BACH2: variants seen among roughly 807,000 people sequenced by gnomAD.
The protein encoded by BACH2 is transcription regulator protein BACH2.
In BACH2, 5 loss-of-function variants were observed where a neutral mutation model predicts 61.8. That is an observed-to-expected ratio of 0.08 (90% CI 0.04 to 0.17). The LOEUF (loss-of-function observed/expected upper bound fraction) is 0.17, where lower values mean the gene tolerates loss of function less well. Among genes scored for constraint, BACH2 ranks in the 10% least tolerant of loss-of-function variants. BACH2 has a pLI of 1.00. For synonymous variants in BACH2, 446 were observed against 440.1 expected, an observed-to-expected ratio of 1.01 and a Z score of -0.17; for missense variants, 824 against 1,091.1, an observed-to-expected ratio of 0.76 and a Z score of 3.45.
intron 5 of BACH2, among the ~76,000 whole-genome samples, chr6:90,085,035 C>T (rs566835641): frequency 1.3e-5 from 2 of 152,124 alleles, no homozygotes; most frequent in South Asian, 4.1e-4. Context: ...GAATAAAACA[C>T]AAAAGCCAAA....
chr6:90,266,263 C>T lies in BACH2; in HGVS notation c.-353+5586G>A, dbSNP rs138505494. On this transcript the variant is annotated intron_variant, in intron 2 of 8. Transcript: ENST00000257749. Reference sequence around the variant, plus strand: ...TATGGAGGGTCTATCTCTGGTTTAACGAAGATACTGAAGCCAGTGAAAACA... The same window carrying T: ...TATGGAGGGTCTATCTCTGGTTTAATGAAGATACTGAAGCCAGTGAAAACA... 1.3e-3 allele frequency among the ~76,000 whole-genome samples: 205 copies of T among 152,230 alleles called. 2 individuals are homozygous for T. The highest frequency in any genetic ancestry group is 4.8e-3 in the African/African-American group (201 of 41,520).
intron 6 of BACH2, among the ~76,000 whole-genome samples, chr6:89,962,651 T>G (rs1184183121): frequency 6.6e-6 from 1 of 152,218 alleles, no homozygotes; most frequent in Non-Finnish European, 1.5e-5. Context: ...AACTTTGTTT[T>G]GGACACTTCT....
rs1373504833 is a variant in BACH2, at chr6:90,239,827, ACACACACACAC to A, written c.-275+12675_-275+12685del. Among the ~76,000 whole-genome samples, 14 of 149,866 alleles carry A rather than the reference ACACACACACAC, an allele frequency of 9.3e-5. No homozygotes were observed. The East Asian group carries it at 2.7e-3, about 29-fold the overall frequency. ...CACACACACACACACACACACACAC[ACACACACACAC>A]ACACACGCTGACTATTCACATACAG... On this transcript the variant is annotated intron_variant, in intron 3 of 8. Coordinates refer to ENST00000257749, the MANE Select transcript of BACH2 (RefSeq NM_021813.4).
At chr6:90,237,681 T>C (rs745429979) in intron 3 of BACH2, among the ~76,000 whole-genome samples, 1 of 152,246 alleles carries the variant, frequency 6.6e-6, no homozygotes, top group African/African-American at 2.4e-5. Context: ...GGAAACACTG[T>C]AGTCAGCTTT....
chr6:90,199,192 G>A (rs1345026901), intron 4 of BACH2, among the ~76,000 whole-genome samples: 1 of 152,212 alleles, frequency 6.6e-6, no homozygotes, highest in Non-Finnish European at 1.5e-5. Context: ...ACCAGCCAGT[G>A]CTTCACCACA....
Position 90,164,000 on chromosome 6 carries a change from A to G in BACH2, c.-162+42569T>C, listed in dbSNP as rs1276670226. Among the ~76,000 whole-genome samples the G allele has an allele frequency of 2.6e-5, 4 of 152,232 alleles. No homozygotes were observed. The East Asian group carries it at 7.7e-4, about 29-fold the overall frequency. ...ATTGACACCCTAACATCACAATTAA[A>G]AGAACTAGAGAAGCAAGAGCAATCA... On this transcript the variant is annotated intron_variant, in intron 4 of 8. Transcript: ENST00000257749.
At chr6:90,190,461 A>G (rs1325773194) in intron 4 of BACH2, among the ~76,000 whole-genome samples, 1 of 152,256 alleles carries the variant, frequency 6.6e-6, no homozygotes, top group Non-Finnish European at 1.5e-5. Context: ...ATCCACAAAC[A>G]TTCCAGAACA....
intron 6 of BACH2, among the ~76,000 whole-genome samples, chr6:89,972,807 C>T (rs866013802): frequency 3.9e-5 from 6 of 152,102 alleles, no homozygotes; most frequent in African/African-American, 9.7e-5. Context: ...AAAAAAACGA[C>T]GGGCTGGGTG....
At chr6:90,240,994 C>G (rs905238273) in intron 3 of BACH2, among the ~76,000 whole-genome samples, 2 of 151,706 alleles carry the variant, frequency 1.3e-5, no homozygotes, top group South Asian at 4.2e-4. Flanking sequence ...ATTAGCCAGG[C>G]GTGGTGGCGT....
rs111401688 is a variant in BACH2, at chr6:89,964,044, T to C, written c.244-12182A>G. Among the ~76,000 whole-genome samples the C allele has an allele frequency of 8.2e-3, 1,247 of 152,028 alleles. 18 individuals carry two copies. Among genetic ancestry groups the C allele is most frequent in the African/African-American group, 0.027 (1,137 of 41,526 alleles). ...ACACAGGAAGGTGAATATCACACTC[T>C]GGGGACTGTTGTGGGGTGGGAGGAG... On this transcript the variant is annotated intron_variant, in intron 6 of 8. Transcript: ENST00000257749.
At chr6:90,217,169 G>C (rs1411888138) in intron 3 of BACH2, among the ~76,000 whole-genome samples, 1 of 152,182 alleles carries the variant, frequency 6.6e-6, no homozygotes, top group Non-Finnish European at 1.5e-5. Context: ...CAGCTTCAGT[G>C]TTGGACTATG....
intron 5 of BACH2, among the ~76,000 whole-genome samples, chr6:90,031,201 T>A (rs1292189256): frequency 2.5e-4 from 38 of 150,528 alleles, no homozygotes; most frequent in African/African-American, 5.1e-4. Context: ...ATGGGACATA[T>A]CTCAAAATAA....
At chr6:90,114,458 AT>A (rs1295286749) in intron 4 of BACH2, among the ~76,000 whole-genome samples, 2 of 152,216 alleles carry the variant, frequency 1.3e-5, no homozygotes, top group African/African-American at 4.8e-5. Flanking sequence ...TTTTGATAAA[AT>A]TCAACATCTC....
chr6:90,187,328 T>C (rs1001873380), intron 4 of BACH2, among the ~76,000 whole-genome samples: 3 of 152,242 alleles, frequency 2.0e-5, no homozygotes, highest in Non-Finnish European at 4.4e-5. Flanking sequence ...AAAAATATAT[T>C]GTGAGTGAGA....
intron 8 of BACH2, among the ~76,000 whole-genome samples, chr6:89,937,642 G>A (rs2128353643): frequency 6.6e-6 from 1 of 152,158 alleles, no homozygotes; most frequent in South Asian, 2.1e-4. Context: ...TGATTATCCT[G>A]CCTCAGCCTC....
chr6:90,191,577 G>T (rs1248570131), intron 4 of BACH2, among the ~76,000 whole-genome samples: 1 of 152,170 alleles, frequency 6.6e-6, no homozygotes, highest in Non-Finnish European at 1.5e-5. Flanking sequence ...ATGGATTTTG[G>T]AGTCACTAAG....
intron 1 of BACH2, among the ~76,000 whole-genome samples, chr6:90,294,734 G>A (rs1582576214): frequency 6.6e-6 from 1 of 152,128 alleles, no homozygotes; most frequent in East Asian, 1.9e-4. Context: ...TAAGCAAGAC[G>A]CCCGCTGCCT....
chr6:90,244,736 C>A (rs546727327), intron 3 of BACH2, among the ~76,000 whole-genome samples: 1 of 152,326 alleles, frequency 6.6e-6, no homozygotes, highest in East Asian at 1.9e-4. Flanking sequence ...CCCATGTTTA[C>A]CTACTGCACT....
At chr6:89,983,630 T>C (rs937503607) in intron 6 of BACH2, among the ~76,000 whole-genome samples, 3 of 152,098 alleles carry the variant, frequency 2.0e-5, no homozygotes. Flanking sequence ...GATCACGCCA[T>C]TGCACTCCAG....
Sources: gnomAD v4.1 joint callset for allele counts (sites outside exome capture counted in the v4.1 genomes callset) on GRCh38, gnomAD v4.1.1 for gene constraint, MANE v1.5 for transcripts, NCBI Gene and HGNC (gene_info 2026-07-23, HGNC 2026-07-21) for gene names.